The following MSRA variants were observed in gnomAD, a reference collection of about 807,000 sequenced individuals.
MSRA encodes mitochondrial peptide methionine sulfoxide reductase.
Under a neutral mutation model 31.3 loss-of-function variants are expected in MSRA, and 54 were observed. That is an observed-to-expected ratio of 1.73 (90% CI 1.39 to 2.17). The LOEUF (loss-of-function observed/expected upper bound fraction) is 2.17. MSRA is among the 30% of genes most tolerant of loss of function. The pLI, the probability that MSRA is intolerant of heterozygous loss-of-function variation, is 0.00. For missense variants in MSRA, 507 were observed against 300.9 expected, an observed-to-expected ratio of 1.69 and a Z score of -5.07; for synonymous variants, 169 against 116.5, an observed-to-expected ratio of 1.45 and a Z score of -2.90.
chr8:10,291,942 C>T (rs1054810228), intron 3 of MSRA, among the ~76,000 whole-genome samples: 22 of 152,196 alleles, frequency 1.4e-4, no homozygotes, highest in Non-Finnish European at 2.1e-4. Flanking sequence ...TTGTTGTCAC[C>T]ATCGTTACAT....
chr8:10,391,291 G>C (rs1325674701), intron 5 of MSRA, among the ~76,000 whole-genome samples: 1 of 152,178 alleles, frequency 6.6e-6, no homozygotes, highest in Admixed American at 6.5e-5. Context: ...CTCAAGGTCT[G>C]CTCTGGCCCC....
intron 1 of MSRA, chr8:10,096,048 GT>G: frequency 7.0e-7 from 1 of 1,428,746 alleles, no homozygotes; most frequent in Non-Finnish European, 9.3e-7. Context: ...CAGAACGTAA[GT>G]TTTTAGATTT....
At chr8:10,196,774 G>A (rs1231920458) in intron 1 of MSRA, among the ~76,000 whole-genome samples, 4 of 151,468 alleles carry the variant, frequency 2.6e-5, no homozygotes, top group Admixed American at 6.6e-5. Flanking sequence ...GTTTCACCAT[G>A]TTGGCCAGGC....
intron 3 of MSRA, among the ~76,000 whole-genome samples, chr8:10,263,596 C>CT (rs1442811174): frequency 4.6e-5 from 7 of 152,178 alleles, no homozygotes; most frequent in Non-Finnish European, 8.8e-5. Context: ...AGTCTTCTCT[C>CT]TTTTTTATTC....
chr8:10,292,291 C>T (rs2129117590), intron 3 of MSRA, among the ~76,000 whole-genome samples: 2 of 152,304 alleles, frequency 1.3e-5, no homozygotes. Context: ...GCAGATGCAG[C>T]ACGAGGGCTC....
intron 1 of MSRA, among the ~76,000 whole-genome samples, chr8:10,103,236 A>G (rs963592326): frequency 6.6e-6 from 1 of 152,226 alleles, no homozygotes; most frequent in African/African-American, 2.4e-5. Context: ...TATATTAAAA[A>G]TAGTCAGAAG....
chr8:10,373,496 G>A (rs117724433), intron 5 of MSRA, among the ~76,000 whole-genome samples: 3 of 152,336 alleles, frequency 2.0e-5, no homozygotes, highest in Admixed American at 6.5e-5. Flanking sequence ...CTTGGCCTCC[G>A]AAAGTGCTGG....
At chr8:10,101,021 G>C (rs1480287126) in intron 1 of MSRA, among the ~76,000 whole-genome samples, 1 of 152,124 alleles carries the variant, frequency 6.6e-6, no homozygotes, top group Non-Finnish European at 1.5e-5. Flanking sequence ...AGATCAAATT[G>C]TTCTCAAAGA....
At chr8:10,311,360 T>G (rs577289740) in intron 4 of MSRA, among the ~76,000 whole-genome samples, 1 of 152,180 alleles carries the variant, frequency 6.6e-6, no homozygotes, top group Non-Finnish European at 1.5e-5. Flanking sequence ...CTGAGCAAAC[T>G]TGTTAATCCC....
At chr8:10,318,464 A>C (rs1201949890) in intron 4 of MSRA, among the ~76,000 whole-genome samples, 2 of 152,198 alleles carry the variant, frequency 1.3e-5, no homozygotes, top group Non-Finnish European at 2.9e-5. Flanking sequence ...TGGAGGCTAC[A>C]GTTGACACAC....
intron 5 of MSRA, among the ~76,000 whole-genome samples, chr8:10,325,276 G>C (rs1670497383): frequency 6.6e-6 from 1 of 152,124 alleles, no homozygotes; most frequent in Non-Finnish European, 1.5e-5. Context: ...TCCTGCTGCA[G>C]TCATATGGTG....
chr8:10,141,047 C>A (rs1284994009), intron 1 of MSRA, among the ~76,000 whole-genome samples: 1 of 152,142 alleles, frequency 6.6e-6, no homozygotes, highest in African/African-American at 2.4e-5. Context: ...AGGTGATGGG[C>A]AGATGCAGTG....
At chr8:10,301,785 G>T in intron 4 of MSRA, 147 bp downstream of exon 4, 1 of 701,326 alleles carries the variant, frequency 1.4e-6, no homozygotes, top group South Asian at 2.0e-5. Flanking sequence ...GAGGAGAGGA[G>T]GGGCTGGGGA....
intron 1 of MSRA, among the ~76,000 whole-genome samples, chr8:10,086,738 A>G (rs975055979): frequency 6.6e-6 from 1 of 152,040 alleles, no homozygotes; most frequent in Non-Finnish European, 1.5e-5. Context: ...CATAGCAGGT[A>G]CTCAGTAAAT....
intron 5 of MSRA, among the ~76,000 whole-genome samples, chr8:10,352,912 G>A (rs1384184015): frequency 1.3e-5 from 2 of 151,940 alleles, no homozygotes; most frequent in Non-Finnish European, 1.5e-5. Context: ...AGAGCATCCC[G>A]TGCTGCCCAG....
intron 5 of MSRA, among the ~76,000 whole-genome samples, chr8:10,365,996 C>T (rs1055825405): frequency 6.6e-6 from 1 of 152,206 alleles, no homozygotes; most frequent in Non-Finnish European, 1.5e-5. Flanking sequence ...GCTGAGCAGC[C>T]TTGCCTGCCT....
At chr8:10,236,467 A>C (rs1811950852) in intron 2 of MSRA, among the ~76,000 whole-genome samples, 1 of 152,194 alleles carries the variant, frequency 6.6e-6, no homozygotes, top group Non-Finnish European at 1.5e-5. Context: ...AGTAATCAAA[A>C]AGTATAGTAG....
chr8:10,295,360 C>T (rs1484751053), intron 3 of MSRA, among the ~76,000 whole-genome samples: 1 of 152,082 alleles, frequency 6.6e-6, no homozygotes, highest in Admixed American at 6.6e-5. Context: ...CCCCACGAAG[C>T]CTCTCCGGAA....
chr8:10,314,511 T>G (rs1379660386), intron 4 of MSRA, among the ~76,000 whole-genome samples: 2 of 152,206 alleles, frequency 1.3e-5, no homozygotes, highest in African/African-American at 4.8e-5. Context: ...CTTTAATGAA[T>G]TGGCAAGCAT....
Sources: allele counts gnomAD v4.1 joint callset (sites outside exome capture counted in the v4.1 genomes callset), GRCh38; gene constraint gnomAD v4.1.1; transcripts MANE v1.5; gene names NCBI Gene and HGNC (gene_info 2026-07-23, HGNC 2026-07-21).